AGMO: variants seen among roughly 807,000 people sequenced by gnomAD.
AGMO encodes the protein glyceryl-ether monooxygenase.
A neutral mutation model predicts 60.2 loss-of-function variants in AGMO; 75 were observed. The ratio of observed to expected loss-of-function variants is 1.25; its 90% confidence interval spans 1.03 to 1.51. The LOEUF (loss-of-function observed/expected upper bound fraction) is 1.51. AGMO is among the 40% of genes most tolerant of loss of function. The pLI, the probability that AGMO is intolerant of heterozygous loss-of-function variation, is 0.00. For missense variants in AGMO, 763 were observed against 525.5 expected (o/e 1.45, Z -4.42); for synonymous variants, 261 against 177.1 (o/e 1.47, Z -3.76).
At chr7:15,217,472 A>C (rs937721661) in intron 12 of AGMO, among the ~76,000 whole-genome samples, 3 of 152,148 alleles carry the variant, frequency 2.0e-5, no homozygotes, top group East Asian at 1.9e-4. Flanking sequence ...AAATATAAAA[A>C]GTAATGAAGA....
intron 12 of AGMO, among the ~76,000 whole-genome samples, chr7:15,270,763 G>C (rs1783582699): frequency 6.6e-6 from 1 of 150,852 alleles, no homozygotes; most frequent in South Asian, 2.1e-4. Context: ...TTTTTCCTAA[G>C]TTTTCTTCTA....
intron 5 of AGMO, among the ~76,000 whole-genome samples, chr7:15,406,301 G>A (rs1245688151): frequency 2.0e-5 from 1 of 50,986 alleles, no homozygotes; most frequent in Non-Finnish European, 4.2e-5. Flanking sequence ...TATATATATG[G>A]AATATACATA....
chr7:15,155,152 G>C, the AGMO span, among the ~76,000 whole-genome samples: 2 of 152,096 alleles, frequency 1.3e-5, no homozygotes, highest in Admixed American at 6.5e-5. Context: ...TCTCTAGAGA[G>C]ACTGGGAAAA....
chr7:15,218,009 C>T (rs1182807646), intron 12 of AGMO, among the ~76,000 whole-genome samples: 3 of 151,750 alleles, frequency 2.0e-5, no homozygotes, highest in Non-Finnish European at 4.4e-5. Flanking sequence ...AACGAATATA[C>T]TGCATATCAA....
the AGMO span, among the ~76,000 whole-genome samples, chr7:15,117,420 T>C: frequency 1.3e-5 from 2 of 152,020 alleles, no homozygotes; most frequent in Non-Finnish European, 2.9e-5. Flanking sequence ...TTGATTGTTG[T>C]GATGGTTATA....
chr7:15,216,441 A>T (rs2128495315), intron 12 of AGMO, among the ~76,000 whole-genome samples: 1 of 152,242 alleles, frequency 6.6e-6, no homozygotes. Context: ...AGTGGTAAGT[A>T]ACACTAAAAT....
At chr7:15,397,092 C>G (rs1213255069) in intron 5 of AGMO, among the ~76,000 whole-genome samples, 1 of 152,156 alleles carries the variant, frequency 6.6e-6, no homozygotes, top group Admixed American at 6.5e-5. Flanking sequence ...GTCACTGGCA[C>G]CCGCCAGGAA....
intron 12 of AGMO, among the ~76,000 whole-genome samples, chr7:15,267,277 T>C (rs932814680): frequency 6.6e-6 from 1 of 151,996 alleles, no homozygotes; most frequent in African/African-American, 2.4e-5. Flanking sequence ...TGTATAATTA[T>C]AATGAGATAT....
chr7:15,155,375 T>C, the AGMO span, among the ~76,000 whole-genome samples: 1 of 150,346 alleles, frequency 6.7e-6, no homozygotes. Flanking sequence ...TTCCTCAGGT[T>C]GGTCTATTCT....
chr7:15,224,260 A>G (rs981663756), intron 12 of AGMO, among the ~76,000 whole-genome samples: 2 of 152,064 alleles, frequency 1.3e-5, no homozygotes, highest in African/African-American at 4.8e-5. Flanking sequence ...TCTGTTGCAG[A>G]ATGAATATTT....
intron 12 of AGMO, among the ~76,000 whole-genome samples, chr7:15,330,785 A>C (rs1781475207): frequency 6.6e-6 from 1 of 152,010 alleles, no homozygotes; most frequent in Non-Finnish European, 1.5e-5. Flanking sequence ...TGGACAATTT[A>C]CTTAACATCT....
At chr7:15,327,915 G>T (rs1781392993) in intron 12 of AGMO, among the ~76,000 whole-genome samples, 1 of 150,432 alleles carries the variant, frequency 6.6e-6, no homozygotes, top group Non-Finnish European at 1.5e-5. Context: ...ACAGGTGTAT[G>T]CCATGTTGCC....
chr7:15,485,818 T>G (rs1023932288), intron 3 of AGMO, among the ~76,000 whole-genome samples: 4 of 152,040 alleles, frequency 2.6e-5, no homozygotes, highest in Admixed American at 6.5e-5. Context: ...GGCTGCTCTC[T>G]CGGTGAAGCA....
chr7:15,341,494 G>A (rs143632956), intron 12 of AGMO, among the ~76,000 whole-genome samples: 1 of 152,068 alleles, frequency 6.6e-6, no homozygotes, highest in Non-Finnish European at 1.5e-5. Flanking sequence ...TCAGCATTTT[G>A]GTCAAGGACA....
At chr7:15,212,283 C>CAG (rs1476889905) in intron 12 of AGMO, among the ~76,000 whole-genome samples, 1 of 141,968 alleles carries the variant, frequency 7.0e-6, no homozygotes, top group African/African-American at 2.7e-5. Flanking sequence ...CACACACACA[C>CAG]ACACAAATAG....
chr7:15,280,924 G>A (rs1783946993), intron 12 of AGMO, among the ~76,000 whole-genome samples: 1 of 152,156 alleles, frequency 6.6e-6, no homozygotes, highest in Non-Finnish European at 1.5e-5. Context: ...CCCGTTGTTG[G>A]GATACGTGAG....
intron 12 of AGMO, among the ~76,000 whole-genome samples, chr7:15,355,739 T>A (rs1437736683): frequency 2.0e-5 from 3 of 151,944 alleles, no homozygotes; most frequent in Non-Finnish European, 4.4e-5. Flanking sequence ...TCTTCATACA[T>A]AAAGGGGAGT....
At chr7:15,293,162 A>G (rs1221172328) in intron 12 of AGMO, among the ~76,000 whole-genome samples, 1 of 152,156 alleles carries the variant, frequency 6.6e-6, no homozygotes, top group African/African-American at 2.4e-5. Flanking sequence ...TCAACAAAAG[A>G]CAAGTAAGAC....
At position 15,243,230 on chromosome 7, in the gene AGMO, CA is replaced by C. The variant is rs1782644135; in HGVS notation, c.1264-41872del. Among the ~76,000 whole-genome samples, 5 of 151,938 alleles carry C rather than the reference CA, an allele frequency of 3.3e-5. 1 individual carries two copies. Among genetic ancestry groups the C allele is most frequent in the African/African-American group, 2.4e-5 (1 of 41,356 alleles). ...AAAATGAACATCTTCAAATTAAATC[CA>C]AGTTCTTTATAGAGCTGGGTGGTAA... On this transcript the variant is annotated intron_variant, in intron 12 of 12. Transcript: ENST00000342526.
Sources: allele counts gnomAD v4.1 joint callset (sites outside exome capture counted in the v4.1 genomes callset), GRCh38; gene constraint gnomAD v4.1.1; transcripts MANE v1.5; gene names NCBI Gene and HGNC (gene_info 2026-07-23, HGNC 2026-07-21).